PDK1: variants seen among roughly 807,000 people sequenced by gnomAD.
PDK1 encodes pyruvate dehydrogenase kinase 1, also known as [Pyruvate dehydrogenase (acetyl-transferring)] kinase isozyme 1, mitochondrial.
PDK1 carries 39 observed loss-of-function variants against 54.2 expected under a neutral mutation model. The observed-to-expected ratio is 0.72, with a 90% CI of 0.56 to 0.94. The LOEUF (loss-of-function observed/expected upper bound fraction) is 0.94, where lower values mean the gene tolerates loss of function less well. PDK1 is among the 40% of genes least tolerant of loss of function. The pLI, the probability that PDK1 is intolerant of heterozygous loss-of-function variation, is 0.00. For synonymous variants in PDK1, 221 were observed against 207.1 expected (o/e 1.07, Z -0.58); for missense variants, 552 against 566.0 (o/e 0.98, Z 0.25).
the PDK1 span, among the ~76,000 whole-genome samples, chr2:172,697,680 G>C: frequency 6.6e-6 from 1 of 152,134 alleles, no homozygotes; most frequent in Non-Finnish European, 1.5e-5. Context: ...CAATTATTGT[G>C]ACATTAATCT....
chr2:172,672,945 C>G, the PDK1 span, among the ~76,000 whole-genome samples: 1 of 152,196 alleles, frequency 6.6e-6, no homozygotes, highest in Non-Finnish European at 1.5e-5. Context: ...CCATATGGGT[C>G]TTCAGCAGCC....
the PDK1 span, among the ~76,000 whole-genome samples, chr2:172,682,139 G>A: frequency 5.3e-5 from 8 of 152,328 alleles, no homozygotes; most frequent in African/African-American, 1.9e-4. Flanking sequence ...AAAGTGATAA[G>A]GAAGTCAATT....
chr2:172,650,403 T>G, the PDK1 span, among the ~76,000 whole-genome samples: 3 of 152,144 alleles, frequency 2.0e-5, no homozygotes, highest in Non-Finnish European at 2.9e-5. Flanking sequence ...AGACCATCAA[T>G]GCTAGCAAGA....
At chr2:172,618,296 AG>A in the PDK1 span, among the ~76,000 whole-genome samples, 1 of 152,218 alleles carries the variant, frequency 6.6e-6, no homozygotes, top group Non-Finnish European at 1.5e-5. Flanking sequence ...GAAAAAGAAA[AG>A]TTAAAATTTT....
At chr2:172,558,575 A>C in intron 1 of PDK1, 133 bp from the exon 2 acceptor site, 1 of 740,174 alleles carries the variant, frequency 1.4e-6, no homozygotes, top group Non-Finnish European at 2.2e-6. Context: ...TTTGCCTCCT[A>C]TTCCCTGCCC....
In PDK1 at chr2:172,564,574, T is replaced by C. The variant is rs148932165; in HGVS notation, c.482T>C (p.Ile161Thr). 297 of 1,613,872 alleles carry C rather than the reference T, an allele frequency of 1.8e-4. No individual in the cohort carries two copies. Among genetic ancestry groups the C allele is most frequent in the Non-Finnish European group, 2.4e-4 (278 of 1,179,868 alleles). Reference protein sequence around the residue: ...DVIPTMAQGVIEYKESFGVDP... With the variant: ...DVIPTMAQGVTEYKESFGVDP... ...ATTCCCACAATGGCCCAGGGTGTGA[T>C]TGAATACAAGGAGAGCTTTGGGGTG... Residue 161 changes from isoleucine (I) to threonine (T), a missense_variant, in exon 4 of 11, where the codon ATT becomes ACT. Coordinates refer to ENST00000282077, the MANE Select transcript of PDK1 (RefSeq NM_002610.5).
the PDK1 span, among the ~76,000 whole-genome samples, chr2:172,622,129 C>CATATATTATGTGAGATATGTTTATATCAT: frequency 4.8e-5 from 5 of 104,140 alleles, 1 homozygote; most frequent in African/African-American, 1.5e-4. Flanking sequence ...GTTTATATCT[C>CATATATTATGTGAGATATGTTTATATCAT]ATATTATGTG....
At chr2:172,621,242 A>G in the PDK1 span, among the ~76,000 whole-genome samples, 6 of 152,166 alleles carry the variant, frequency 3.9e-5, no homozygotes, top group Admixed American at 3.9e-4. Context: ...TTAACATTTG[A>G]GTCAGTGGGC....
chr2:172,567,939 G>A (rs1689042899), intron 6 of PDK1, among the ~76,000 whole-genome samples: 1 of 152,228 alleles, frequency 6.6e-6, no homozygotes, highest in Non-Finnish European at 1.5e-5. Flanking sequence ...ACTGTCTCGA[G>A]AAATTGATGC....
At chr2:172,694,088 G>A in the PDK1 span, among the ~76,000 whole-genome samples, 1 of 152,350 alleles carries the variant, frequency 6.6e-6, no homozygotes, top group South Asian at 2.1e-4. Flanking sequence ...AGAGAGGCAT[G>A]GGGCCGGGAG....
At chr2:172,704,583 A>C in the PDK1 span, among the ~76,000 whole-genome samples, 3 of 152,216 alleles carry the variant, frequency 2.0e-5, no homozygotes, top group Non-Finnish European at 2.9e-5. Flanking sequence ...TGTGAGAGCC[A>C]GGGTATACTC....
chr2:172,686,495 GCTCTGTAAAATGGACCAATCAGCA>G, the PDK1 span, among the ~76,000 whole-genome samples: 2 of 152,060 alleles, frequency 1.3e-5, no homozygotes, highest in Admixed American at 6.5e-5. Context: ...ACCAATCAGT[GCTCTGTAAAATGGACCAATCAGCA>G]CTCTGTAAAA....
At chr2:172,583,994 T>C (rs1209184089) in intron 8 of PDK1, among the ~76,000 whole-genome samples, 1 of 152,172 alleles carries the variant, frequency 6.6e-6, no homozygotes, top group East Asian at 1.9e-4. Context: ...AATAAGTCCA[T>C]GTTAACTTTG....
At chr2:172,579,452 G>A (rs1689760737) in intron 8 of PDK1, among the ~76,000 whole-genome samples, 1 of 151,350 alleles carries the variant, frequency 6.6e-6, no homozygotes, top group South Asian at 2.1e-4. Flanking sequence ...ATTGCTGCAT[G>A]CCTTTAGTTA....
the PDK1 span, among the ~76,000 whole-genome samples, chr2:172,632,860 G>A: frequency 4.6e-5 from 7 of 151,114 alleles, no homozygotes; most frequent in African/African-American, 1.5e-4. Flanking sequence ...CGCACCTGTA[G>A]TCCCAGCTAC....
chr2:172,650,505 G>A, the PDK1 span, among the ~76,000 whole-genome samples: 5 of 152,158 alleles, frequency 3.3e-5, no homozygotes, highest in South Asian at 2.1e-4. Context: ...AATGTAAATG[G>A]GCTAAATGCT....
At chr2:172,666,930 C>T in the PDK1 span, among the ~76,000 whole-genome samples, 2 of 152,160 alleles carry the variant, frequency 1.3e-5, no homozygotes, top group African/African-American at 2.4e-5. Flanking sequence ...TTATATCCTA[C>T]GCAGACACAG....
the PDK1 span, among the ~76,000 whole-genome samples, chr2:172,641,922 G>A: frequency 1.3e-5 from 2 of 152,160 alleles, no homozygotes; most frequent in South Asian, 2.1e-4. Context: ...ACTGAGAGAC[G>A]GGAGGGCAGA....
the PDK1 span, among the ~76,000 whole-genome samples, chr2:172,619,242 T>A: frequency 1.3e-5 from 2 of 152,168 alleles, no homozygotes; most frequent in South Asian, 4.1e-4. Flanking sequence ...CTCATTCTGC[T>A]CCTGGGCAGG....
Sources: allele counts gnomAD v4.1 joint callset (sites outside exome capture counted in the v4.1 genomes callset), GRCh38; gene constraint gnomAD v4.1.1; transcripts MANE v1.5; gene names NCBI Gene and HGNC (gene_info 2026-07-23, HGNC 2026-07-21).